The following OSBPL10 variants were observed in gnomAD, a reference collection of about 807,000 sequenced individuals.
The protein encoded by OSBPL10 is oxysterol binding protein like 10.
Under a neutral mutation model 81.7 loss-of-function variants are expected in OSBPL10, and 49 were observed. The ratio of observed to expected loss-of-function variants is 0.60; its 90% CI spans 0.48 to 0.76. The LOEUF (loss-of-function observed/expected upper bound fraction) is 0.76, where lower values mean the gene tolerates loss of function less well. OSBPL10 is among the 30% of genes least tolerant of loss of function. The pLI is 0.00. For missense variants in OSBPL10, 923 were observed against 987.8 expected (o/e 0.93, Z 0.88); for synonymous variants, 419 against 383.6 (o/e 1.09, Z -1.08).
chr3:31,926,787 G>C (rs147117799), intron 1 of OSBPL10, among the ~76,000 whole-genome samples: 33 of 152,254 alleles, frequency 2.2e-4, no homozygotes, highest in African/African-American at 6.7e-4. Context: ...TAGTAACACA[G>C]TTGCACTTCC....
At chr3:31,797,887 T>C (rs1212441717) in intron 4 of OSBPL10, 1 of 446,006 alleles carries the variant, frequency 2.2e-6, no homozygotes, top group East Asian at 7.1e-5. Flanking sequence ...AAAATAGCTA[T>C]GGTTCTTTCT....
intron 1 of OSBPL10, among the ~76,000 whole-genome samples, chr3:31,945,869 T>G (rs2125434494): frequency 6.6e-6 from 1 of 152,352 alleles, no homozygotes; most frequent in Non-Finnish European, 1.5e-5. Context: ...GCCAAACATC[T>G]GCAGATCCTA....
intron 1 of OSBPL10, among the ~76,000 whole-genome samples, chr3:31,978,812 A>G (rs771232695): frequency 6.6e-6 from 1 of 152,224 alleles, no homozygotes; most frequent in Non-Finnish European, 1.5e-5. Context: ...GTAGCCTGCT[A>G]TCACGTAGGT....
chr3:31,853,217 C>A (rs892986718), intron 3 of OSBPL10, among the ~76,000 whole-genome samples: 1 of 152,114 alleles, frequency 6.6e-6, no homozygotes, highest in African/African-American at 2.4e-5. Flanking sequence ...TAGTTCCTGA[C>A]CTGGCCTAAA....
chr3:32,072,682 C>A (rs1699840285), intron 1 of OSBPL10, among the ~76,000 whole-genome samples: 1 of 152,196 alleles, frequency 6.6e-6, no homozygotes, highest in African/African-American at 2.4e-5. Context: ...AGGCCCCCTC[C>A]CTTCCCTACA....
chr3:31,885,995 C>CAAAAAAAA (rs397957994), intron 1 of OSBPL10, among the ~76,000 whole-genome samples: 4 of 62,464 alleles, frequency 6.4e-5, no homozygotes, highest in Non-Finnish European at 8.5e-5. Flanking sequence ...AACTCCATCT[C>CAAAAAAAA]AAAAAAAAAA....
intron 4 of OSBPL10, among the ~76,000 whole-genome samples, chr3:31,789,024 G>A (rs937694986): frequency 2.0e-5 from 3 of 151,826 alleles, no homozygotes; most frequent in African/African-American, 7.3e-5. Flanking sequence ...TGTCACCCAG[G>A]CTGGAGTGCG....
chr3:31,936,526 C>T (rs1697383222), intron 1 of OSBPL10, among the ~76,000 whole-genome samples: 2 of 152,326 alleles, frequency 1.3e-5, no homozygotes, highest in South Asian at 4.1e-4. Flanking sequence ...AAAATATTCA[C>T]TTCTTTTAAT....
intron 1 of OSBPL10, among the ~76,000 whole-genome samples, chr3:31,944,694 G>A (rs1281088691): frequency 6.6e-6 from 1 of 151,944 alleles, no homozygotes; most frequent in African/African-American, 2.4e-5. Context: ...TCTCCTTGGA[G>A]ACACCTTCTT....
chr3:31,872,443 T>G (rs2125623453), intron 3 of OSBPL10, among the ~76,000 whole-genome samples: 1 of 143,388 alleles, frequency 7.0e-6, no homozygotes, highest in East Asian at 2.0e-4. Context: ...GTGTTTTGTT[T>G]TTGTTGTTGT....
chr3:31,897,948 C>T (rs1445802143), intron 1 of OSBPL10, among the ~76,000 whole-genome samples: 4 of 129,604 alleles, frequency 3.1e-5, no homozygotes, highest in Non-Finnish European at 3.1e-5. Flanking sequence ...GAGGAGGTTG[C>T]AGTGAGCCGA....
At chr3:31,809,251 G>T (rs778530556) in intron 4 of OSBPL10, among the ~76,000 whole-genome samples, 5 of 152,154 alleles carry the variant, frequency 3.3e-5, no homozygotes, top group Non-Finnish European at 7.4e-5. Flanking sequence ...TTAGATTTGG[G>T]GGAATACATG....
chr3:31,745,893 C>A (rs547634538), intron 5 of OSBPL10, among the ~76,000 whole-genome samples: 11 of 152,280 alleles, frequency 7.2e-5, no homozygotes, highest in African/African-American at 2.6e-4. Flanking sequence ...AAACAAAGGG[C>A]AAAGGGCAGT....
intron 5 of OSBPL10, among the ~76,000 whole-genome samples, chr3:31,744,790 A>AC (rs1362939005): frequency 6.6e-6 from 1 of 152,044 alleles, no homozygotes; most frequent in Admixed American, 6.5e-5. Context: ...AATTAGGAAA[A>AC]AAAAAAACAA....
intron 8 of OSBPL10, among the ~76,000 whole-genome samples, chr3:31,673,093 C>T (rs542542240): frequency 6.6e-6 from 1 of 152,270 alleles, no homozygotes; most frequent in Non-Finnish European, 1.5e-5. Context: ...ACCTCTTGCT[C>T]TCATTCTGTC....
At chr3:31,862,393 C>T (rs1701077845) in intron 3 of OSBPL10, among the ~76,000 whole-genome samples, 1 of 152,060 alleles carries the variant, frequency 6.6e-6, no homozygotes, top group Non-Finnish European at 1.5e-5. Context: ...ATAAACATAT[C>T]CTGCATTAAG....
intron 1 of OSBPL10, among the ~76,000 whole-genome samples, chr3:31,943,835 G>A (rs1697607700): frequency 2.0e-5 from 3 of 151,798 alleles, no homozygotes; most frequent in Admixed American, 2.0e-4. Context: ...AGGCATGGTG[G>A]CACGCACCTG....
chr3:31,773,116 T>A (rs936711910), intron 4 of OSBPL10, among the ~76,000 whole-genome samples: 1 of 152,186 alleles, frequency 6.6e-6, no homozygotes, highest in African/African-American at 2.4e-5. Context: ...TGTAGCTGTT[T>A]TCTATTTTTC....
rs755719389 is a variant in OSBPL10, at chr3:31,830,094, T to C, written c.675A>G (p.Ala225=). ...ACTGACTCTTGGCTCTTCGGGCGGC[T>C]GCAGGCGACTTGTGATGCGTGATTG... is the stretch of plus-strand genomic sequence containing the variant. The part of the protein sequence containing the change: ...VVTITHHKSP[A]AARRAKSQYS... Residue 225 remains alanine, a synonymous_variant, in exon 4 of 12, where the codon GCA becomes GCG. Coordinates refer to ENST00000396556, the MANE Select transcript of OSBPL10 (RefSeq NM_017784.5). 6.2e-7 allele frequency: 1 copy of C among 1,614,102 alleles called. No homozygotes were observed. The highest frequency in any genetic ancestry group is 8.5e-7 in the Non-Finnish European group (1 of 1,180,016).
Sources: gnomAD v4.1 joint callset for allele counts (sites outside exome capture counted in the v4.1 genomes callset) on GRCh38, gnomAD v4.1.1 for gene constraint, MANE v1.5 for transcripts, NCBI Gene and HGNC (gene_info 2026-07-23, HGNC 2026-07-21) for gene names.